SHISA9: variants seen among roughly 807,000 people sequenced by gnomAD.
SHISA9 encodes shisa family member 9.
A neutral mutation model predicts 38.0 loss-of-function variants in SHISA9; 13 were observed. The ratio of observed to expected loss-of-function variants is 0.34; its 90% CI spans 0.22 to 0.54. SHISA9 has a LOEUF of 0.54. Among genes scored for constraint, SHISA9 ranks in the 20% least tolerant of loss-of-function variants. SHISA9 has a pLI of 0.91. For missense variants in SHISA9, 538 were observed against 575.8 expected, an observed-to-expected ratio of 0.93 and a Z score of 0.67; for synonymous variants, 275 against 242.0, an observed-to-expected ratio of 1.14 and a Z score of -1.27.
At chr16:13,132,440 T>C (rs1422329360) in intron 2 of SHISA9, among the ~76,000 whole-genome samples, 1 of 152,206 alleles carries the variant, frequency 6.6e-6, no homozygotes, top group Non-Finnish European at 1.5e-5. Context: ...AGAATTTTCA[T>C]ACCTTTGGCA....
chr16:12,969,670 C>T (rs939300458), intron 2 of SHISA9, among the ~76,000 whole-genome samples: 11 of 152,226 alleles, frequency 7.2e-5, no homozygotes, highest in African/African-American at 2.6e-4. Flanking sequence ...TTGCTTGAAC[C>T]CGGGAGGCGG....
the SHISA9 span, among the ~76,000 whole-genome samples, chr16:13,551,719 A>T: frequency 3.3e-5 from 5 of 152,124 alleles, no homozygotes; most frequent in African/African-American, 9.7e-5. Context: ...TTCCTGAGTG[A>T]TCAGGTGAAA....
chr16:13,065,826 T>A (rs2073428119), intron 2 of SHISA9, among the ~76,000 whole-genome samples: 1 of 152,236 alleles, frequency 6.6e-6, no homozygotes, highest in African/African-American at 2.4e-5. Flanking sequence ...AGGTCTTTCA[T>A]CACTCTGAGC....
the SHISA9 span, among the ~76,000 whole-genome samples, chr16:13,443,167 G>C: frequency 6.6e-6 from 1 of 152,198 alleles, no homozygotes; most frequent in Non-Finnish European, 1.5e-5. Flanking sequence ...CAATGTTTCA[G>C]GAATCCAACT....
chr16:13,330,409 A>T, the SHISA9 span, among the ~76,000 whole-genome samples: 1 of 152,238 alleles, frequency 6.6e-6, no homozygotes, highest in East Asian at 1.9e-4. Flanking sequence ...AATAGGTACT[A>T]TAAAAGGATA....
At chr16:13,245,604 C>T in the SHISA9 span, among the ~76,000 whole-genome samples, 3 of 152,034 alleles carry the variant, frequency 2.0e-5, no homozygotes, top group Non-Finnish European at 2.9e-5. Context: ...TTTTATTTTT[C>T]GCCACTCATA....
the SHISA9 span, among the ~76,000 whole-genome samples, chr16:13,392,508 C>G: frequency 6.6e-6 from 1 of 152,076 alleles, no homozygotes; most frequent in Non-Finnish European, 1.5e-5. Flanking sequence ...AGTTGGGGCT[C>G]CATTTTACAG....
chr16:13,183,680 C>CT (rs1196214345), intron 2 of SHISA9, among the ~76,000 whole-genome samples: 3 of 152,186 alleles, frequency 2.0e-5, no homozygotes, highest in African/African-American at 7.2e-5. Flanking sequence ...CTATTAGGTT[C>CT]TTTTTTCATA....
intron 2 of SHISA9, among the ~76,000 whole-genome samples, chr16:13,173,960 T>G (rs912537867): frequency 1.3e-5 from 2 of 152,048 alleles, no homozygotes; most frequent in African/African-American, 4.8e-5. Context: ...GGAAACTTAA[T>G]GCTGACTGAG....
intron 2 of SHISA9, among the ~76,000 whole-genome samples, chr16:12,977,756 G>C (rs1028323036): frequency 2.6e-5 from 4 of 152,026 alleles, no homozygotes; most frequent in African/African-American, 9.7e-5. Flanking sequence ...TTATAGGTGG[G>C]AGCTGAACAA....
chr16:13,289,392 G>T, the SHISA9 span, among the ~76,000 whole-genome samples: 1 of 151,880 alleles, frequency 6.6e-6, no homozygotes, highest in African/African-American at 2.4e-5. Flanking sequence ...TGGCAGGGTT[G>T]GGGGGTGCTG....
At chr16:13,295,492 G>T in the SHISA9 span, among the ~76,000 whole-genome samples, 3 of 152,160 alleles carry the variant, frequency 2.0e-5, no homozygotes, top group African/African-American at 7.2e-5. Flanking sequence ...CATCGGCCCA[G>T]GGTATCAGGT....
At chr16:13,006,781 T>C (rs2072603334) in intron 2 of SHISA9, among the ~76,000 whole-genome samples, 1 of 152,204 alleles carries the variant, frequency 6.6e-6, no homozygotes, top group Non-Finnish European at 1.5e-5. Flanking sequence ...CCTGCCTGAC[T>C]ACACCTTGTG....
chr16:13,271,120 C>T, the SHISA9 span, among the ~76,000 whole-genome samples: 1 of 152,148 alleles, frequency 6.6e-6, no homozygotes, highest in Non-Finnish European at 1.5e-5. Flanking sequence ...CCAAGTCTGA[C>T]ACCCAAATCA....
At chr16:13,039,404 C>T (rs1164109801) in intron 2 of SHISA9, among the ~76,000 whole-genome samples, 3 of 151,914 alleles carry the variant, frequency 2.0e-5, no homozygotes, top group Admixed American at 2.0e-4. Flanking sequence ...AGAACCTCCA[C>T]TTCCAGGTCT....
At chr16:13,266,693 G>A in the SHISA9 span, among the ~76,000 whole-genome samples, 1 of 152,186 alleles carries the variant, frequency 6.6e-6, no homozygotes. Flanking sequence ...ATAGCTCTGG[G>A]GACCCTGCTG....
chr16:12,982,766 T>C (rs1451259892), intron 2 of SHISA9, among the ~76,000 whole-genome samples: 2 of 152,166 alleles, frequency 1.3e-5, no homozygotes, highest in Admixed American at 6.5e-5. Context: ...GCATTGTGAG[T>C]GGGCAGGTAT....
At chr16:13,279,697 T>G in the SHISA9 span, among the ~76,000 whole-genome samples, 1 of 151,906 alleles carries the variant, frequency 6.6e-6, no homozygotes, top group Non-Finnish European at 1.5e-5. Flanking sequence ...GTGACCTACA[T>G]CTTTATCTAA....
chr16:13,378,632 T>C, the SHISA9 span, among the ~76,000 whole-genome samples: 2 of 152,220 alleles, frequency 1.3e-5, no homozygotes, highest in Non-Finnish European at 2.9e-5. Context: ...AGGTTCTCTA[T>C]AGATTAATTC....
Sources: allele counts gnomAD v4.1 joint callset (sites outside exome capture counted in the v4.1 genomes callset), GRCh38; gene constraint gnomAD v4.1.1; transcripts MANE v1.5; gene names NCBI Gene and HGNC (gene_info 2026-07-23, HGNC 2026-07-21).